The following SGSM3 variants were observed in gnomAD, a reference collection of about 807,000 sequenced individuals.
SGSM3 encodes small G protein signaling modulator 3.
A neutral mutation model predicts 100.5 loss-of-function variants in SGSM3; 96 were observed. The observed-to-expected ratio is 0.96, with a 90% CI of 0.81 to 1.13. The LOEUF (loss-of-function observed/expected upper bound fraction) is 1.13. SGSM3 is among the 50% of genes most tolerant of loss of function. SGSM3 has a pLI of 0.00. For missense variants in SGSM3, 1,001 were observed against 1,015.8 expected (o/e 0.99, Z 0.20); for synonymous variants, 483 against 422.8 (o/e 1.14, Z -1.75).
intron 14 of SGSM3, 60 bp from the exon 15 acceptor site, chr22:40,408,011 T>G (rs981276367): frequency 1.3e-6 from 2 of 1,561,004 alleles, no homozygotes; most frequent in Non-Finnish European, 1.8e-6. Flanking sequence ...GCCTGCAGGC[T>G]GTGTCTGCTC....
At chr22:40,404,068 C>T (rs899837987) in intron 4 of SGSM3, 179 bp from the exon 5 acceptor site, 6 of 467,524 alleles carry the variant, frequency 1.3e-5, no homozygotes, top group Non-Finnish European at 2.2e-5. Context: ...TCATGGGGTA[C>T]ATGTTAGAGG....
At chr22:40,371,140 C>T (rs2045369974) in intron 1 of SGSM3, among the ~76,000 whole-genome samples, 1 of 152,232 alleles carries the variant, frequency 6.6e-6, no homozygotes, top group Admixed American at 6.5e-5. Context: ...GGTGCAGAAC[C>T]CGGGCTCGGA....
chr22:40,389,361 A>G (rs924442998), intron 1 of SGSM3, among the ~76,000 whole-genome samples: 11 of 152,120 alleles, frequency 7.2e-5, no homozygotes, highest in African/African-American at 2.7e-4. Context: ...GCGCTTTGGG[A>G]GGCCGAGGCG....
intron 1 of SGSM3, among the ~76,000 whole-genome samples, chr22:40,400,283 C>G (rs545026083): frequency 6.6e-6 from 1 of 152,326 alleles, no homozygotes; most frequent in East Asian, 1.9e-4. Flanking sequence ...TCAACCACAT[C>G]TCCTCGTTGT....
In SGSM3 at chr22:40,400,758, G is replaced by A; in HGVS notation, c.-49G>A. ...TTCCAGCTCTAAGATAGCAGGATAG[G>A]AGACTTCTAAGATTGGAGCTGCAGA... is the stretch of plus-strand genomic sequence containing the variant. On this transcript the variant is annotated 5_prime_UTR_variant, in exon 2 of 22. Transcript: ENST00000248929. The A allele has an allele frequency of 6.5e-7, 1 of 1,549,540 alleles. No homozygotes were observed. The highest frequency in any genetic ancestry group is 8.7e-7 in the Non-Finnish European group (1 of 1,145,132).
chr22:40,376,178 C>CTTTTTTTTTTTT (rs10616868), intron 1 of SGSM3: 5 of 86,844 alleles, frequency 5.8e-5, no homozygotes, highest in African/African-American at 8.2e-5. Context: ...CAAATTACCA[C>CTTTTTTTTTTTT]TTTTTTTTTT....
chr22:40,409,240 A>G lies in SGSM3; in HGVS notation c.1989-10A>G, dbSNP rs745953900. Reference sequence around the variant, plus strand: ...CTGCCCCTGCTCCCCACTCCTGGCCATGTCCCCAGTGAGCAGGTGCTGCAC... The same window carrying G: ...CTGCCCCTGCTCCCCACTCCTGGCCGTGTCCCCAGTGAGCAGGTGCTGCAC... On this transcript the variant is annotated splice_polypyrimidine_tract_variant and intron_variant, in intron 19 of 21. Coordinates refer to ENST00000248929, the MANE Select transcript of SGSM3 (RefSeq NM_015705.6). 6.3e-7 allele frequency: 1 copy of G among 1,596,394 alleles called. No individual in the cohort carries two copies. Among genetic ancestry groups the G allele is most frequent in the Admixed American group, 1.7e-5 (1 of 58,402 alleles).
intron 1 of SGSM3, among the ~76,000 whole-genome samples, chr22:40,376,871 C>T (rs1215278491): frequency 6.6e-6 from 1 of 152,056 alleles, no homozygotes; most frequent in African/African-American, 2.4e-5. Context: ...CAAGCATTTA[C>T]GGTATTAAGT....
At chr22:40,397,622 C>T (rs2050206723) in intron 1 of SGSM3, among the ~76,000 whole-genome samples, 1 of 152,114 alleles carries the variant, frequency 6.6e-6, no homozygotes, top group Non-Finnish European at 1.5e-5. Context: ...GCCTCGTAGT[C>T]CCCTGCTGTG....
intron 1 of SGSM3, among the ~76,000 whole-genome samples, chr22:40,382,941 A>G (rs899362195): frequency 6.6e-5 from 10 of 152,388 alleles, no homozygotes; most frequent in African/African-American, 2.2e-4. Flanking sequence ...TTGCTTCCAC[A>G]GTAACACTGT....
intron 4 of SGSM3, among the ~76,000 whole-genome samples, chr22:40,403,097 G>C (rs898602178): frequency 6.6e-5 from 10 of 152,232 alleles, no homozygotes; most frequent in African/African-American, 2.2e-4. Flanking sequence ...TGTTTGGCTG[G>C]GTCAGTGGAG....
In SGSM3 at chr22:40,396,583, ACT is replaced by A. The variant is rs1463495203; in HGVS notation, c.-111-4110_-111-4109del. Among the ~76,000 whole-genome samples, 9 of 127,244 alleles carry A rather than the reference ACT, an allele frequency of 7.1e-5. No homozygotes were observed. The South Asian group carries it at 2.2e-3, about 32-fold the overall frequency. 83.5% of individuals were successfully genotyped at this position (127,244 alleles called of 152,430 possible). On this transcript the variant is annotated intron_variant, in intron 1 of 21. Transcript: ENST00000248929. ...ACTCCAGCCTGGGCGACAGAGTGAG[ACT>A]CTGTCTCAAAAAAAAAAAAAAAAAA... is the stretch of plus-strand genomic sequence containing the variant.
At chr22:40,401,736 C>A in intron 3 of SGSM3, 61 bp downstream of exon 3, 1 of 1,422,182 alleles carries the variant, frequency 7.0e-7, no homozygotes, top group Non-Finnish European at 9.9e-7. Flanking sequence ...GAAGGGGACC[C>A]AGCTCTGCAG....
chr22:40,404,557 C>G lies in SGSM3; in HGVS notation c.367C>G (p.Leu123Val). Residue 123 changes from leucine to valine, a missense_variant and splice_region_variant, in exon 6 of 22, where the codon CTG becomes GTG. By Grantham distance (32) the Leu-to-Val change is conservative (BLOSUM62 1). Transcript: ENST00000248929. The stretch of plus-strand genomic sequence containing the variant: ...TGCCCTTGCGGCTCCCTTCCCTCAG[C>G]TGTGGATGCGGCTCTCTGGGGCCCT... ...AGIPHGMRPQ[L>V]WMRLSGALQK... The G allele has an allele frequency of 2.5e-6, 4 of 1,613,574 alleles. No homozygotes were observed. The highest frequency in any genetic ancestry group is 2.5e-6 in the Non-Finnish European group (3 of 1,179,686).
chr22:40,405,422 G>C, intron 7 of SGSM3, 138 bp downstream of exon 7: 5 of 945,562 alleles, frequency 5.3e-6, no homozygotes, highest in Non-Finnish European at 7.6e-6. Flanking sequence ...TCCCACTCCG[G>C]GGCGTCCCCA....
At chr22:40,379,629 T>C (rs956237917) in intron 1 of SGSM3, among the ~76,000 whole-genome samples, 2 of 152,188 alleles carry the variant, frequency 1.3e-5, no homozygotes, top group African/African-American at 4.8e-5. Flanking sequence ...ATTAAGTAAA[T>C]ATCTTCCTCC....
intron 1 of SGSM3, among the ~76,000 whole-genome samples, chr22:40,371,532 G>A (rs1264184187): frequency 6.6e-6 from 1 of 152,114 alleles, no homozygotes; most frequent in Non-Finnish European, 1.5e-5. Flanking sequence ...TCGTTTACTC[G>A]TAGTTTTTGT....
At chr22:40,394,364 C>G (rs968809471) in intron 1 of SGSM3, among the ~76,000 whole-genome samples, 2 of 152,124 alleles carry the variant, frequency 1.3e-5, no homozygotes, top group Non-Finnish European at 2.9e-5. Flanking sequence ...AACTTGGAGA[C>G]TGGCCAGGCA....
intron 1 of SGSM3, among the ~76,000 whole-genome samples, chr22:40,398,411 G>C (rs965080614): frequency 7.1e-6 from 1 of 141,452 alleles, no homozygotes; most frequent in Non-Finnish European, 1.5e-5. Flanking sequence ...GATCAGGAAA[G>C]GGGAGGGACT....
Sources: allele counts gnomAD v4.1 joint callset (sites outside exome capture counted in the v4.1 genomes callset), GRCh38; gene constraint gnomAD v4.1.1; transcripts MANE v1.5; gene names NCBI Gene and HGNC (gene_info 2026-07-23, HGNC 2026-07-21).